Variants in CHURC1 observed in about 807,000 individuals in gnomAD.
The protein encoded by CHURC1 is protein Churchill.
In CHURC1, 12 loss-of-function variants were observed where a neutral mutation model predicts 15.4. The ratio of observed to expected loss-of-function variants is 0.78; its 90% CI spans 0.50 to 1.27. The LOEUF is 1.27. CHURC1 is among the 50% of genes most tolerant of loss of function. The pLI is 0.00. For missense variants in CHURC1, 132 were observed against 137.8 expected (o/e 0.96, Z 0.21); for synonymous variants, 42 against 47.5 (o/e 0.88, Z 0.48).
chr14:64,926,916 C>T (rs2147612), intron 3 of CHURC1, among the ~76,000 whole-genome samples: 5 of 151,992 alleles, frequency 3.3e-5, no homozygotes, highest in Admixed American at 6.5e-5. Context: ...GCTGGGCAGT[C>T]GGGGAGAGCC....
At position 64,927,422 on chromosome 14, in the gene CHURC1, T is replaced by C. The variant is rs190947815; in HGVS notation, c.246+1342T>C. ...TTTTATGGGAGGAAAGGAGTGCTTATAGCTATTTTCAAGACACTCCTGAAT... is the reference window on the plus strand; with the variant it reads ...TTTTATGGGAGGAAAGGAGTGCTTACAGCTATTTTCAAGACACTCCTGAAT... On this transcript the variant is annotated intron_variant, in intron 3 of 3. Transcript: ENST00000549115. Among the ~76,000 whole-genome samples, 15 of 152,268 alleles carry C rather than the reference T, an allele frequency of 9.9e-5. No individual in the cohort carries two copies. The East Asian group carries it at 2.9e-3, about 29-fold the overall frequency.
intron 1 of CHURC1, among the ~76,000 whole-genome samples, 168 bp downstream of exon 1, chr14:64,914,702 C>T (rs1883736647): frequency 6.6e-6 from 1 of 152,250 alleles, no homozygotes; most frequent in African/African-American, 2.4e-5. Flanking sequence ...TGGCGGTCTG[C>T]ACCTCTGGTA....
At chr14:64,927,310 C>G (rs73281728) in intron 3 of CHURC1, among the ~76,000 whole-genome samples, 5,950 of 152,198 alleles carry the variant, frequency 0.039, 257 homozygotes, top group African/African-American at 0.11. Context: ...ATATGCGTAA[C>G]TTAGGGCAAA....
intron 1 of CHURC1, among the ~76,000 whole-genome samples, chr14:64,923,597 T>C (rs1231927132): frequency 2.0e-5 from 3 of 152,102 alleles, no homozygotes; most frequent in African/African-American, 4.8e-5. Context: ...TCTATTTTGA[T>C]TGAATTTAAT....
At position 64,923,991 on chromosome 14, in the gene CHURC1, G is replaced by A. The variant is rs1247372868; in HGVS notation, c.40G>A (p.Gly14Ser). 1.4e-5 allele frequency: 21 copies of A among 1,552,102 alleles called. No homozygotes were observed. Among genetic ancestry groups the A allele is most frequent in the Non-Finnish European group, 1.8e-5 (21 of 1,146,868 alleles). The change falls in exon 2 of 4, where the codon GGT (glycine) becomes AGT (serine). Residue 14 changes from glycine (G) to serine (S), a missense_variant and splice_region_variant. Transcript: ENST00000549115. ...TAAATTCCTGTTTCTGATATTTTAG[G>A]GTAATACCTGCCTGGAGAATGGATC... ...DCVEKEYPNR[G>S]NTCLENGSFL... is the part of the protein sequence containing the mutation.
chr14:64,927,709 T>C (rs1016428655), intron 3 of CHURC1, among the ~76,000 whole-genome samples: 205 of 44,520 alleles, frequency 4.6e-3, no homozygotes, highest in African/African-American at 6.7e-3. Flanking sequence ...AGTCTACTTC[T>C]CCCCCCACCC....
chr14:64,928,870 T>G (rs963456534), intron 3 of CHURC1, among the ~76,000 whole-genome samples: 1 of 152,210 alleles, frequency 6.6e-6, no homozygotes, highest in African/African-American at 2.4e-5. Context: ...CTCCTCAGCT[T>G]TTGTTCTGTG....
chr14:64,932,733 A>G lies in CHURC1; in HGVS notation c.*503A>G, dbSNP rs538704004. On this transcript the variant is annotated 3_prime_UTR_variant, in exon 4 of 4. Coordinates refer to ENST00000549115, the MANE Select transcript of CHURC1 (RefSeq NM_001386928.1). ...CACAGCTGGAGCAATTTGAGTAACA[A>G]AATAAAGTAGTATTGGGTTATAACC... The G allele has an allele frequency of 1.3e-5, 2 of 152,810 alleles. No homozygotes were observed. The highest frequency in any genetic ancestry group is 2.1e-4 in the South Asian group (1 of 4,836). The allele number at this position is 152,810 out of a possible 1,614,324, so 9.5% of individuals were successfully genotyped here. A position where few individuals can be genotyped will look rare whatever the true frequency, so the allele number is the denominator to read the frequency against.
chr14:64,932,026 T>C, intron 3 of CHURC1, 112 bp from the exon 4 acceptor site: 1 of 1,344,020 alleles, frequency 7.4e-7, no homozygotes, highest in Non-Finnish European at 1.0e-6. Context: ...ATTGATCCAA[T>C]GTACAGAAAG....
At chr14:64,931,976 A>T (rs1471108032) in intron 3 of CHURC1, among the ~76,000 whole-genome samples, 162 bp from the exon 4 acceptor site, 1 of 152,272 alleles carries the variant, frequency 6.6e-6, no homozygotes, top group Non-Finnish European at 1.5e-5. Flanking sequence ...TCTGGAATAT[A>T]CAGAATAAGC....
chr14:64,914,913 A>G (rs1032735125), intron 1 of CHURC1, among the ~76,000 whole-genome samples: 7 of 152,220 alleles, frequency 4.6e-5, no homozygotes, highest in Admixed American at 2.6e-4. Flanking sequence ...CTCTGTGGTC[A>G]TCTGTTCTAA....
At chr14:64,925,986 G>C in intron 2 of CHURC1, 24 bp from the exon 3 acceptor site, 1 of 1,543,200 alleles carries the variant, frequency 6.5e-7, no homozygotes, top group Non-Finnish European at 8.8e-7. Flanking sequence ...ACTTAATTAC[G>C]TAAGTCTCTC....
Position 64,933,999 on chromosome 14 carries a change from C to G in CHURC1, c.*1769C>G. ...CATGAAAAGGTTTATATTCACTATT[C>G]TTTATTTCAGTGTAGCACTTTTAGA... On this transcript the variant is annotated 3_prime_UTR_variant, in exon 4 of 4. Coordinates refer to ENST00000549115, the MANE Select transcript of CHURC1 (RefSeq NM_001386928.1). 1 of 985,052 alleles carries G rather than the reference C, an allele frequency of 1.0e-6. No individual in the cohort carries two copies. The highest frequency in any genetic ancestry group is 1.2e-6 in the Non-Finnish European group (1 of 829,908). The allele number at this position is 985,052 out of a possible 1,614,324, so 61.0% of individuals were successfully genotyped here. A position where few individuals can be genotyped will look rare whatever the true frequency, so the allele number is the denominator to read the frequency against.
chr14:64,923,625 G>A (rs1317221771), intron 1 of CHURC1, among the ~76,000 whole-genome samples: 6 of 151,788 alleles, frequency 4.0e-5, no homozygotes, highest in South Asian at 2.1e-4. Context: ...GGTAAGCCTC[G>A]TTTAATATTG....
At chr14:64,932,094 T>C in intron 3 of CHURC1, 44 bp from the exon 4 acceptor site, 2 of 1,591,432 alleles carry the variant, frequency 1.3e-6, no homozygotes, top group African/African-American at 1.3e-5. Context: ...AAAGCATCTT[T>C]TTCCCTGTTC....
chr14:64,920,197 A>G (rs1316292307), intron 1 of CHURC1, among the ~76,000 whole-genome samples: 1 of 152,192 alleles, frequency 6.6e-6, no homozygotes, highest in Admixed American at 6.5e-5. Context: ...CATATTAATT[A>G]TTCTTACAGT....
rs1885175307 is a variant in CHURC1 at position 64,933,285 on chromosome 14, T to C, written c.*1055T>C. 2.7e-6 allele frequency: 2 copies of C among 728,700 alleles called. No individual in the cohort carries two copies. Among genetic ancestry groups the C allele is most frequent in the Non-Finnish European group, 3.4e-6 (2 of 595,192 alleles). 45.1% of individuals were successfully genotyped at this position (728,700 alleles called of 1,614,324 possible). On this transcript the variant is annotated 3_prime_UTR_variant, in exon 4 of 4. Transcript: ENST00000549115. ...TAATGTGGTATCCTACATGGAATTA[T>C]ATACCACGAAAAGAAAAAAAGGTCA... is the stretch of plus-strand genomic sequence containing the variant.
intron 1 of CHURC1, among the ~76,000 whole-genome samples, chr14:64,918,394 G>C (rs185286966): frequency 8.5e-5 from 13 of 152,308 alleles, no homozygotes; most frequent in African/African-American, 2.6e-4. Flanking sequence ...GTTCAGTAGA[G>C]ACTAACTGAC....
chr14:64,933,610 A>G lies in CHURC1; in HGVS notation c.*1380A>G, dbSNP rs183579679. The G allele has an allele frequency of 3.0e-5, 30 of 984,242 alleles. No individual in the cohort carries two copies. The Admixed American group carries it at 1.8e-3, about 58-fold the overall frequency. The allele number at this position is 984,242 out of a possible 1,614,324, so 61.0% of individuals were successfully genotyped here. A position where few individuals can be genotyped will look rare whatever the true frequency, so the allele number is the denominator to read the frequency against. On this transcript the variant is annotated 3_prime_UTR_variant, in exon 4 of 4. Transcript: ENST00000549115. The stretch of plus-strand genomic sequence containing the variant: ...GAGATTTAAATGAATTAGTGAATGT[A>G]AGATACTTTAGAAAGCATGTAAAGT...
Sources: gnomAD v4.1 joint callset for allele counts (sites outside exome capture counted in the v4.1 genomes callset) on GRCh38, gnomAD v4.1.1 for gene constraint, MANE v1.5 for transcripts, NCBI Gene and HGNC (gene_info 2026-07-23, HGNC 2026-07-21) for gene names.